Variants in TEX11 observed in about 807,000 individuals in gnomAD.
TEX11 encodes the protein testis-expressed protein 11.
In TEX11, 7 loss-of-function variants were observed where a neutral mutation model predicts 84.4. The observed-to-expected ratio is 0.08, with a 90% CI of 0.05 to 0.16. The LOEUF (loss-of-function observed/expected upper bound fraction) is 0.16, where lower values mean the gene tolerates loss of function less well. TEX11 is among the 10% of genes least tolerant of loss of function. The pLI, the probability that TEX11 is intolerant of heterozygous loss-of-function variation, is 1.00. For missense variants in TEX11, 551 were observed against 660.5 expected, an observed-to-expected ratio of 0.83 and a Z score of 1.82; for synonymous variants, 264 against 222.8, an observed-to-expected ratio of 1.18 and a Z score of -1.64.
At chrX:70,760,851 A>T (rs1310489316) in intron 9 of TEX11, among the ~76,000 whole-genome samples, 1 of 111,972 alleles carries the variant, frequency 8.9e-6, no homozygotes, top group Non-Finnish European at 1.9e-5. Context: ...AATTTTTGCA[A>T]TCTACCCATC....
chrX:70,836,158 A>C (rs1253840415), intron 7 of TEX11, among the ~76,000 whole-genome samples: 2 of 110,102 alleles, frequency 1.8e-5, no homozygotes, highest in African/African-American at 6.6e-5. Flanking sequence ...ATACTCCCCG[A>C]GTTGATCTAT....
At chrX:70,718,222 G>A (rs902744126) in intron 13 of TEX11, among the ~76,000 whole-genome samples, 1 of 112,036 alleles carries the variant, frequency 8.9e-6, no homozygotes, top group Non-Finnish European at 1.9e-5. Context: ...TCAATTTGTA[G>A]TTCTTTACTG....
intron 20 of TEX11, among the ~76,000 whole-genome samples, chrX:70,621,649 C>T (rs376464282): frequency 6.8e-5 from 6 of 88,842 alleles, no homozygotes; most frequent in African/African-American, 2.1e-4. Context: ...GGAATGAATA[C>T]GAAAGTATTG....
intron 9 of TEX11, among the ~76,000 whole-genome samples, chrX:70,800,778 G>A (rs769009026): frequency 4.7e-4 from 48 of 101,234 alleles, no homozygotes; most frequent in Middle Eastern, 0.01. Flanking sequence ...CTGCAGCCTC[G>A]ACCTCCTGGG....
chrX:70,817,541 G>A (rs766719431), intron 8 of TEX11, among the ~76,000 whole-genome samples: 3 of 111,148 alleles, frequency 2.7e-5, no homozygotes, highest in Non-Finnish European at 5.7e-5. Flanking sequence ...AAAATTAGCC[G>A]GGCGTGGTGG....
At chrX:70,608,941 ATAAC>A (rs2055830838) in intron 22 of TEX11, 146 bp downstream of exon 22, 3 of 440,133 alleles carry the variant, frequency 6.8e-6, no homozygotes, top group Middle Eastern at 3.6e-4. Flanking sequence ...TGAAGTATAT[ATAAC>A]TATTTCCATT....
intron 13 of TEX11, among the ~76,000 whole-genome samples, chrX:70,698,532 A>T (rs1250682389): frequency 6.4e-5 from 7 of 109,908 alleles, no homozygotes; most frequent in Admixed American, 4.9e-4. Flanking sequence ...CCAGCAAAAA[A>T]AAAAAACACC....
chrX:70,907,841 G>C, intron 1 of TEX11, 31 bp from the exon 2 acceptor site: 1 of 885,050 alleles, frequency 1.1e-6, no homozygotes. Context: ...TTAATACTCT[G>C]TTTTATCCTC....
intron 16 of TEX11, among the ~76,000 whole-genome samples, chrX:70,656,192 G>A (rs1293046441): frequency 9.2e-6 from 1 of 108,913 alleles, no homozygotes; most frequent in African/African-American, 3.3e-5. Flanking sequence ...GGGAGGCTGA[G>A]GTGAGAGGAT....
At chrX:70,835,253 T>C (rs1392028043) in intron 7 of TEX11, among the ~76,000 whole-genome samples, 2 of 112,060 alleles carry the variant, frequency 1.8e-5, no homozygotes, top group Non-Finnish European at 1.9e-5. Flanking sequence ...TCTTATAACA[T>C]ATAAAACAAT....
chrX:70,646,912 A>G (rs1181494801), intron 17 of TEX11, among the ~76,000 whole-genome samples: 1 of 111,928 alleles, frequency 8.9e-6, no homozygotes, highest in East Asian at 2.8e-4. Context: ...TCAATATGTC[A>G]AAGAGATATC....
chrX:70,873,153 A>T (rs2091637966), intron 4 of TEX11, 70 bp downstream of exon 4: 1 of 631,923 alleles, frequency 1.6e-6, no homozygotes, highest in Non-Finnish European at 2.5e-6. Flanking sequence ...CATTATTTAA[A>T]CTGCAGGAAT....
chrX:70,675,110 T>G (rs2090059333), intron 15 of TEX11, among the ~76,000 whole-genome samples: 1 of 111,554 alleles, frequency 9.0e-6, no homozygotes, highest in Non-Finnish European at 1.9e-5. Flanking sequence ...GCATCTTACT[T>G]TTACAGGTTA....
At chrX:70,837,722 G>A (rs1005146518) in intron 7 of TEX11, among the ~76,000 whole-genome samples, 1 of 111,701 alleles carries the variant, frequency 9.0e-6, no homozygotes, top group Non-Finnish European at 1.9e-5. Flanking sequence ...CAAAATTATA[G>A]AGATGGAGAC....
intron 28 of TEX11, among the ~76,000 whole-genome samples, chrX:70,537,905 C>T (rs1275832399): frequency 9.0e-6 from 1 of 111,407 alleles, no homozygotes; most frequent in Admixed American, 9.6e-5. Flanking sequence ...GGGTCCAGGA[C>T]ATGACAACAT....
At chrX:70,577,340 C>G (rs1392058311) in intron 25 of TEX11, among the ~76,000 whole-genome samples, 2 of 111,423 alleles carry the variant, frequency 1.8e-5, no homozygotes, top group Non-Finnish European at 3.8e-5. Flanking sequence ...AAAATTGTGA[C>G]TAAACATATC....
At chrX:70,541,031 A>T in intron 28 of TEX11, among the ~76,000 whole-genome samples, 1 of 110,886 alleles carries the variant, frequency 9.0e-6, no homozygotes, top group Middle Eastern at 4.6e-3. Context: ...TCTACAAAAA[A>T]ATTAAAAAAT....
intron 17 of TEX11, among the ~76,000 whole-genome samples, chrX:70,638,246 A>C (rs762083778): frequency 4.5e-5 from 5 of 111,577 alleles, no homozygotes; most frequent in Non-Finnish European, 7.5e-5. Context: ...GTAACAATAG[A>C]AAAGCAGCAT....
chrX:70,830,546 A>G (rs1405235287), intron 8 of TEX11, among the ~76,000 whole-genome samples: 2 of 112,225 alleles, frequency 1.8e-5, no homozygotes, highest in African/African-American at 6.5e-5. Context: ...AGGAGAAAAT[A>G]TCCACAAATC....
Sources: allele counts gnomAD v4.1 joint callset (sites outside exome capture counted in the v4.1 genomes callset), GRCh38; gene constraint gnomAD v4.1.1; transcripts MANE v1.5; gene names NCBI Gene and HGNC (gene_info 2026-07-23, HGNC 2026-07-21).